PLVAP: variants seen among roughly 807,000 people sequenced by gnomAD.
The protein encoded by PLVAP is plasmalemma vesicle associated protein.
In PLVAP, 34 loss-of-function variants were observed where a neutral mutation model predicts 43.1. The observed-to-expected ratio is 0.79, with a 90% CI of 0.60 to 1.05. The LOEUF is 1.05. Ranked by LOEUF, PLVAP falls within the 50% of genes least tolerant of loss-of-function variation. The probability of loss-of-function intolerance (pLI) is 0.00; values close to 1 mark genes in which losing one functional copy is unlikely to be tolerated. For missense variants in PLVAP, 574 were observed against 593.4 expected, an observed-to-expected ratio of 0.97 and a Z score of 0.34; for synonymous variants, 241 against 237.3, an observed-to-expected ratio of 1.02 and a Z score of -0.14.
At chr19:17,358,260 C>T (rs1298112415) in intron 5 of PLVAP, among the ~76,000 whole-genome samples, 1 of 113,542 alleles carries the variant, frequency 8.8e-6, no homozygotes, top group African/African-American at 4.5e-5. Context: ...AGAGGGTATG[C>T]AAGAAGGAAA....
chr19:17,355,450 A>C (rs10404098), intron 5 of PLVAP, among the ~76,000 whole-genome samples: 92,304 of 150,260 alleles, frequency 0.61, 29,377 homozygotes, highest in African/African-American at 0.8. Flanking sequence ...GCAGCCTTGA[A>C]CTCCTCGGCT....
intron 5 of PLVAP, among the ~76,000 whole-genome samples, chr19:17,360,300 T>A (rs1402895762): frequency 6.6e-6 from 1 of 152,196 alleles, no homozygotes; most frequent in Non-Finnish European, 1.5e-5. Context: ...GGTAGTCCCA[T>A]CATGACACTG....
chr19:17,356,102 A>T (rs1257921547), intron 5 of PLVAP, among the ~76,000 whole-genome samples: 1 of 152,130 alleles, frequency 6.6e-6, no homozygotes, highest in Non-Finnish European at 1.5e-5. Context: ...TGAGGTCAGG[A>T]GTTCGAGACC....
At chr19:17,362,278 T>C (rs2145721120) in intron 3 of PLVAP, 1 of 152,048 alleles carries the variant, frequency 6.6e-6, no homozygotes, top group Admixed American at 6.6e-5. Flanking sequence ...TAAGGCCCTA[T>C]GGAGCCCCTG....
chr19:17,376,131 T>C (rs2074594451), intron 1 of PLVAP, among the ~76,000 whole-genome samples: 1 of 151,990 alleles, frequency 6.6e-6, no homozygotes, highest in Non-Finnish European at 1.5e-5. Context: ...TGAGCTATGC[T>C]CACATCACTG....
intron 1 of PLVAP, among the ~76,000 whole-genome samples, chr19:17,371,056 AAAAC>A (rs34713686): frequency 1.6e-3 from 244 of 151,178 alleles, no homozygotes; most frequent in African/African-American, 4.6e-3. Context: ...ACTCCATCTC[AAAAC>A]AAACAAACAA....
At chr19:17,368,064 A>ATT (rs34115667) in intron 1 of PLVAP, among the ~76,000 whole-genome samples, 990 of 75,968 alleles carry the variant, frequency 0.013, 18 homozygotes, top group South Asian at 0.02. Flanking sequence ...TGCCCGGCTA[A>ATT]TTTTTTTTTT....
chr19:17,377,244 C>G lies in PLVAP; in HGVS notation c.45G>C (p.Gly15=). The change falls in exon 1 of 6, where the codon GGG becomes GGC. Residue 15 remains glycine (G), a synonymous_variant. Coordinates refer to ENST00000252590, the MANE Select transcript of PLVAP (RefSeq NM_031310.3). ...AATACCAGCAGCCCCGAGAGCTGCCCCCCGCCCGAGCGTAGGACCCTCCGT... is the reference window on the plus strand; with the variant it reads ...AATACCAGCAGCCCCGAGAGCTGCCGCCCGCCCGAGCGTAGGACCCTCCGT... ...MEHGGSYARA[G]GSSRGCWYYL... The G allele has an allele frequency of 6.2e-6, 10 of 1,614,006 alleles. No homozygotes were observed. The highest frequency in any genetic ancestry group is 7.6e-6 in the Non-Finnish European group (9 of 1,179,938).
intron 1 of PLVAP, among the ~76,000 whole-genome samples, chr19:17,368,760 G>A (rs2074560145): frequency 6.6e-6 from 1 of 152,038 alleles, no homozygotes; most frequent in Non-Finnish European, 1.5e-5. Context: ...GGTGGATCAC[G>A]AGGTCAAGAG....
intron 3 of PLVAP, among the ~76,000 whole-genome samples, chr19:17,361,849 C>A (rs1295847541): frequency 6.6e-6 from 1 of 151,926 alleles, no homozygotes; most frequent in Non-Finnish European, 1.5e-5. Context: ...GTGGGCAGAT[C>A]CCCTGAGGTC....
chr19:17,372,906 CAAAA>C (rs200158805), intron 1 of PLVAP, among the ~76,000 whole-genome samples: 2 of 144,752 alleles, frequency 1.4e-5, no homozygotes, highest in Non-Finnish European at 3.0e-5. Context: ...ACTAAAAATA[CAAAA>C]AAAAAATTAG....
chr19:17,362,725 A>G (rs2074533298), intron 3 of PLVAP: 1 of 152,184 alleles, frequency 6.6e-6, no homozygotes. Flanking sequence ...TCCCTGACTC[A>G]ATTTGCAAGC....
chr19:17,370,259 T>C (rs1336399227), intron 1 of PLVAP, among the ~76,000 whole-genome samples: 1 of 152,074 alleles, frequency 6.6e-6, no homozygotes, highest in Non-Finnish European at 1.5e-5. Context: ...ATGTTAAACA[T>C]AGTTACCACG....
chr19:17,372,670 A>C lies in PLVAP; in HGVS notation c.369+4250T>G, dbSNP rs1006939352. 2.7e-5 allele frequency among the ~76,000 whole-genome samples: 4 copies of C among 150,058 alleles called. No individual in the cohort carries two copies. The East Asian group carries it at 6.3e-4, about 24-fold the overall frequency. On this transcript the variant is annotated intron_variant, in intron 1 of 5. Coordinates refer to ENST00000252590, the MANE Select transcript of PLVAP (RefSeq NM_031310.3). Reference sequence around the variant, plus strand: ...ACGGGGTTTCACTGTGTTAGCCAGCATGGTCTCGATCTCCTGACCTAGTGA... The same window carrying C: ...ACGGGGTTTCACTGTGTTAGCCAGCCTGGTCTCGATCTCCTGACCTAGTGA...
At chr19:17,356,355 C>T (rs911057204) in intron 5 of PLVAP, among the ~76,000 whole-genome samples, 5 of 152,072 alleles carry the variant, frequency 3.3e-5, no homozygotes, top group African/African-American at 1.2e-4. Flanking sequence ...GACCTCACGC[C>T]GAAGCCCAGC....
chr19:17,374,399 G>T (rs1045744084), intron 1 of PLVAP, among the ~76,000 whole-genome samples: 2 of 151,326 alleles, frequency 1.3e-5, no homozygotes, highest in Non-Finnish European at 2.9e-5. Flanking sequence ...CAGAAGGTGG[G>T]GCTTGCAGTG....
In PLVAP at chr19:17,351,598, ACACT is replaced by A. The variant is rs2074485011; in HGVS notation, c.*760_*763del. On this transcript the variant is annotated 3_prime_UTR_variant, in exon 6 of 6. Transcript: ENST00000252590. ...TCAGGGCCCCGAGGGGGTCCTGGAA[ACACT>A]CACGCTCAAGGAGCGGAGGTGAATG... The A allele has an allele frequency of 6.6e-6, 1 of 152,258 alleles. No homozygotes were observed. The highest frequency in any genetic ancestry group is 1.5e-5 in the Non-Finnish European group (1 of 68,066). The allele number at this position is 152,258 out of a possible 1,614,324, so 9.4% of individuals were successfully genotyped here. A position where few individuals can be genotyped will look rare whatever the true frequency, so the allele number is the denominator to read the frequency against.
In PLVAP at chr19:17,352,063, A is replaced by C; in HGVS notation, c.*299T>G. On this transcript the variant is annotated 3_prime_UTR_variant, in exon 6 of 6. Transcript: ENST00000252590. ...GCTGCATCTGCACGACGCCATCGCT[A>C]TATCTCTTCGTGACGTCTACATGGC... is the stretch of plus-strand genomic sequence containing the variant. 2 of 466,696 alleles carry C rather than the reference A, an allele frequency of 4.3e-6. No homozygotes were observed. The highest frequency in any genetic ancestry group is 1.9e-5 in the African/African-American group (1 of 51,564). The allele number at this position is 466,696 out of a possible 1,614,324, so 28.9% of individuals were successfully genotyped here. A position where few individuals can be genotyped will look rare whatever the true frequency, so the allele number is the denominator to read the frequency against.
At chr19:17,371,762 T>A (rs1474980088) in intron 1 of PLVAP, among the ~76,000 whole-genome samples, 1 of 152,144 alleles carries the variant, frequency 6.6e-6, no homozygotes. Flanking sequence ...GGATTACAGG[T>A]GTGAACCACC....
Sources: gnomAD v4.1 joint callset for allele counts (sites outside exome capture counted in the v4.1 genomes callset) on GRCh38, gnomAD v4.1.1 for gene constraint, MANE v1.5 for transcripts, NCBI Gene and HGNC (gene_info 2026-07-23, HGNC 2026-07-21) for gene names.